CNTNAP5: variants seen among roughly 807,000 people sequenced by gnomAD.
CNTNAP5 encodes contactin associated protein family member 5, also known as contactin-associated protein-like 5.
CNTNAP5 carries 72 observed loss-of-function variants against 150.2 expected under a neutral mutation model. That is an observed-to-expected ratio of 0.48 (90% CI 0.40 to 0.58). CNTNAP5 has a LOEUF of 0.58. Ranked by LOEUF, CNTNAP5 falls within the 20% of genes least tolerant of loss-of-function variation. The probability of loss-of-function intolerance (pLI) is 0.00; values close to 1 mark genes in which losing one functional copy is unlikely to be tolerated. For synonymous variants in CNTNAP5, 672 were observed against 619.8 expected, an observed-to-expected ratio of 1.08 and a Z score of -1.25; for missense variants, 1,636 against 1,626.2, an observed-to-expected ratio of 1.01 and a Z score of -0.10.
chr2:124,434,471 T>G lies in CNTNAP5; in HGVS notation c.530-13T>G. ...GCACTAATTTTTCTTTCCCGCTCCT[T>G]CTTTGTTCCCAGAATCAGATGTTGC... is the stretch of plus-strand genomic sequence containing the variant. On this transcript the variant is annotated splice_polypyrimidine_tract_variant and intron_variant, in intron 4 of 23. Coordinates refer to ENST00000682447, the MANE Select transcript of CNTNAP5 (RefSeq NM_001367498.1). 5.0e-6 allele frequency: 8 copies of G among 1,610,524 alleles called. No individual in the cohort carries two copies. Among genetic ancestry groups the G allele is most frequent in the Non-Finnish European group, 6.8e-6 (8 of 1,176,690 alleles).
chr2:124,827,688 G>C (rs756171860), intron 19 of CNTNAP5, among the ~76,000 whole-genome samples: 2 of 152,056 alleles, frequency 1.3e-5, no homozygotes, highest in South Asian at 4.1e-4. Context: ...TGTTTGTTTC[G>C]TATAATACAT....
intron 14 of CNTNAP5, among the ~76,000 whole-genome samples, chr2:124,756,371 C>T (rs1240135896): frequency 1.3e-5 from 2 of 152,088 alleles, no homozygotes; most frequent in African/African-American, 4.8e-5. Flanking sequence ...TCCTCAAAGA[C>T]TTAGACAGAA....
chr2:124,361,945 G>C (rs1690214877), intron 3 of CNTNAP5, among the ~76,000 whole-genome samples: 1 of 152,194 alleles, frequency 6.6e-6, no homozygotes, highest in Non-Finnish European at 1.5e-5. Flanking sequence ...AGACTGCTGT[G>C]CTAGCAATCA....
chr2:124,560,372 A>C, intron 10 of CNTNAP5, among the ~76,000 whole-genome samples: 1 of 152,066 alleles, frequency 6.6e-6, no homozygotes, highest in East Asian at 1.9e-4. Context: ...TACAAAAATT[A>C]GCTGGGCATG....
intron 10 of CNTNAP5, among the ~76,000 whole-genome samples, chr2:124,561,404 A>G (rs1316610452): frequency 6.6e-6 from 1 of 152,194 alleles, no homozygotes; most frequent in Non-Finnish European, 1.5e-5. Flanking sequence ...CAGCACAGGC[A>G]TAGAGCAGGA....
intron 12 of CNTNAP5, among the ~76,000 whole-genome samples, chr2:124,633,084 G>C (rs80144008): frequency 0.079 from 12,083 of 152,006 alleles, 622 homozygotes; most frequent in African/African-American, 0.14. Flanking sequence ...ATTTGGGCAG[G>C]GACACAGCTC....
intron 1 of CNTNAP5, among the ~76,000 whole-genome samples, chr2:124,096,967 G>C (rs1298643013): frequency 6.6e-6 from 1 of 152,050 alleles, no homozygotes; most frequent in African/African-American, 2.4e-5. Flanking sequence ...GCCTCCCAAA[G>C]TGCTAGGATT....
rs115704914 is a variant in CNTNAP5, at chr2:124,099,203, G to A, written c.82+73471G>A. 2.6e-3 allele frequency among the ~76,000 whole-genome samples: 389 copies of A among 152,182 alleles called. 1 individual carries two copies. The highest frequency in any genetic ancestry group is 8.8e-3 in the African/African-American group (365 of 41,524). ...CTTACACTCTTCTCCCATCTTGAAC[G>A]TCCTTTATGCTCTCTACACCTACGC... On this transcript the variant is annotated intron_variant, in intron 1 of 23. Coordinates refer to ENST00000682447, the MANE Select transcript of CNTNAP5 (RefSeq NM_001367498.1).
At chr2:124,091,182 T>C (rs995810935) in intron 1 of CNTNAP5, among the ~76,000 whole-genome samples, 10 of 151,690 alleles carry the variant, frequency 6.6e-5, no homozygotes, top group Admixed American at 6.6e-4. Flanking sequence ...CCTGGTAGGG[T>C]GAAATAGTGA....
intron 7 of CNTNAP5, among the ~76,000 whole-genome samples, chr2:124,487,109 T>TC (rs1693902345): frequency 6.6e-6 from 1 of 152,140 alleles, no homozygotes; most frequent in African/African-American, 2.4e-5. Context: ...TTATCCAGTA[T>TC]CCCCCATGGT....
At chr2:124,533,716 T>C (rs1461017709) in intron 10 of CNTNAP5, among the ~76,000 whole-genome samples, 1 of 152,152 alleles carries the variant, frequency 6.6e-6, no homozygotes, top group Non-Finnish European at 1.5e-5. Flanking sequence ...TTCCTGATCT[T>C]CCTCTCTCAG....
In CNTNAP5 at chr2:124,789,930, C is replaced by A; in HGVS notation, c.2781C>A (p.Phe927Leu). 1 of 1,613,248 alleles carries A rather than the reference C, an allele frequency of 6.2e-7. No individual in the cohort carries two copies. Among genetic ancestry groups the A allele is most frequent in the Non-Finnish European group, 8.5e-7 (1 of 1,179,444 alleles). Residue 927 changes from phenylalanine to leucine, a missense_variant, in exon 18 of 24, where the codon TTC becomes TTA. Phe to Leu is a conservative substitution (Grantham distance 22). Transcript: ENST00000682447. ...VGGTSSRQKGFLGCIRSLHLN... is the reference protein window; with the variant it reads ...VGGTSSRQKGLLGCIRSLHLN... Reference sequence around the variant, plus strand: ...GAACGTCATCCAGACAGAAAGGCTTCCTAGGATGCATTCGCTCCTTACACT... The same window carrying A: ...GAACGTCATCCAGACAGAAAGGCTTACTAGGATGCATTCGCTCCTTACACT...
chr2:124,687,677 T>C (rs1048012099), intron 13 of CNTNAP5, among the ~76,000 whole-genome samples: 1 of 152,022 alleles, frequency 6.6e-6, no homozygotes, highest in Non-Finnish European at 1.5e-5. Context: ...AGTAGAGAGA[T>C]CTGATTGAAC....
intron 12 of CNTNAP5, among the ~76,000 whole-genome samples, chr2:124,622,909 C>G (rs1283838685): frequency 1.3e-5 from 2 of 152,160 alleles, no homozygotes; most frequent in Non-Finnish European, 2.9e-5. Context: ...CACAGAATAT[C>G]TACAGGGTAC....
chr2:124,480,648 G>A (rs377012207), intron 7 of CNTNAP5, among the ~76,000 whole-genome samples: 6 of 152,256 alleles, frequency 3.9e-5, no homozygotes, highest in East Asian at 1.9e-4. Flanking sequence ...TCTTTAGCTT[G>A]TTTCCGGGAT....
intron 19 of CNTNAP5, among the ~76,000 whole-genome samples, chr2:124,835,460 T>C (rs1231684413): frequency 1.3e-5 from 2 of 152,166 alleles, no homozygotes; most frequent in Non-Finnish European, 2.9e-5. Flanking sequence ...AGGTCCATCC[T>C]GACAGCCTCT....
At chr2:124,204,842 G>A (rs922203030) in intron 1 of CNTNAP5, among the ~76,000 whole-genome samples, 2 of 152,046 alleles carry the variant, frequency 1.3e-5, no homozygotes, top group Non-Finnish European at 2.9e-5. Flanking sequence ...GAGCTATGGG[G>A]ACACAGCCAA....
rs921508255 is a variant in CNTNAP5 at position 124,427,328 on chromosome 2, C to T, written c.530-7156C>T. On this transcript the variant is annotated intron_variant, in intron 4 of 23. Transcript: ENST00000682447. ...GTAATCTGATGCATTTTCTAAAACACAAAGAGCTCTTTCTAAAAACCCAAA... is the reference window on the plus strand; with the variant it reads ...GTAATCTGATGCATTTTCTAAAACATAAAGAGCTCTTTCTAAAAACCCAAA... Among the ~76,000 whole-genome samples the T allele has an allele frequency of 5.4e-4, 82 of 152,306 alleles. 2 individuals carry two copies. The highest frequency in any genetic ancestry group is 1.9e-3 in the African/African-American group (77 of 41,574).
rs1678849625 is a variant in CNTNAP5, at chr2:124,920,370, G to T, written c.*6082G>T. 6.6e-6 allele frequency among the ~76,000 whole-genome samples: 1 copy of T among 152,012 alleles called. No homozygotes were observed. The highest frequency in any genetic ancestry group is 1.5e-5 in the Non-Finnish European group (1 of 67,996). ...GAAAATATTAACGGGCATCAGCCTG[G>T]GCATACTTTCCCATCAGAGTCAGCC... On this transcript the variant is annotated 3_prime_UTR_variant, in exon 24 of 24. Transcript: ENST00000682447.
Sources: gnomAD v4.1 joint callset for allele counts (sites outside exome capture counted in the v4.1 genomes callset) on GRCh38, gnomAD v4.1.1 for gene constraint, MANE v1.5 for transcripts, NCBI Gene and HGNC (gene_info 2026-07-23, HGNC 2026-07-21) for gene names.